The following PRKCB variants were observed in gnomAD, a reference collection of about 807,000 sequenced individuals.
PRKCB encodes the protein protein kinase C beta, also known as protein kinase C beta type.
Under a neutral mutation model 81.5 loss-of-function variants are expected in PRKCB, and 13 were observed. That is an observed-to-expected ratio of 0.16 (90% CI 0.10 to 0.25). The LOEUF (loss-of-function observed/expected upper bound fraction) is 0.25. Among genes scored for constraint, PRKCB ranks in the 10% least tolerant of loss-of-function variants. The probability of loss-of-function intolerance (pLI) is 1.00; values close to 1 mark genes in which losing one functional copy is unlikely to be tolerated. For synonymous variants in PRKCB, 335 were observed against 321.4 expected (o/e 1.04, Z -0.45); for missense variants, 509 against 875.7 (o/e 0.58, Z 5.29).
rs540536398 is a variant in PRKCB, at chr16:23,981,668, T to G, written c.206-6840T>G. Among the ~76,000 whole-genome samples, 504 of 129,238 alleles carry G rather than the reference T, an allele frequency of 3.9e-3. 5 individuals carry two copies. Among genetic ancestry groups the G allele is most frequent in the African/African-American group, 0.015 (477 of 32,826 alleles). The allele number at this position is 129,238 out of a possible 152,430, so 84.8% of individuals were successfully genotyped here. A position where few individuals can be genotyped will look rare whatever the true frequency, so the allele number is the denominator to read the frequency against. ...TTCTCCTTCCCTTCCTTTTTTCCCT[T>G]TCTCTTCCCCTTCCCCTTCCCTTCC... is the stretch of plus-strand genomic sequence containing the variant. On this transcript the variant is annotated intron_variant, in intron 2 of 16. Transcript: ENST00000643927.
At chr16:24,049,138 G>T (rs1965806404) in intron 5 of PRKCB, among the ~76,000 whole-genome samples, 1 of 126,698 alleles carries the variant, frequency 7.9e-6, no homozygotes, top group African/African-American at 3.0e-5. Context: ...TTCCTAGGTT[G>T]TGAGAAGCAG....
intron 2 of PRKCB, among the ~76,000 whole-genome samples, chr16:23,918,458 G>A (rs971078107): frequency 6.6e-6 from 1 of 151,734 alleles, no homozygotes; most frequent in East Asian, 1.9e-4. Flanking sequence ...GTGAATTGGC[G>A]TGATCTTGGC....
intron 2 of PRKCB, among the ~76,000 whole-genome samples, chr16:23,975,275 G>A (rs1016383880): frequency 2.6e-5 from 4 of 152,060 alleles, no homozygotes; most frequent in Non-Finnish European, 4.4e-5. Context: ...GGATTGACAC[G>A]CATTTGTCTC....
intron 16 of PRKCB, among the ~76,000 whole-genome samples, chr16:24,200,634 C>T (rs942928611): frequency 6.6e-6 from 1 of 152,144 alleles, no homozygotes; most frequent in Non-Finnish European, 1.5e-5. Flanking sequence ...CTGTGTCATC[C>T]CATGGCAGAA....
At chr16:24,046,522 G>A (rs535776338) in intron 5 of PRKCB, among the ~76,000 whole-genome samples, 1 of 152,352 alleles carries the variant, frequency 6.6e-6, no homozygotes, top group East Asian at 1.9e-4. Context: ...AGGGATAATG[G>A]CATTTAGTTG....
In PRKCB at chr16:24,132,000, A is replaced by T. The variant is rs565526827; in HGVS notation, c.1065+8019A>T. Among the ~76,000 whole-genome samples the T allele has an allele frequency of 1.1e-4, 16 of 152,310 alleles. 1 individual carries two copies. Among genetic ancestry groups the T allele is most frequent in the Middle Eastern group, 6.8e-3 (2 of 294 alleles). On this transcript the variant is annotated intron_variant, in intron 9 of 16. Transcript: ENST00000643927. ...TCCTCCATATCCTTTCCTTCAAATA[A>T]GGAATATGCGCAACACTGCCTGTAT... is the stretch of plus-strand genomic sequence containing the variant.
At chr16:23,967,041 T>C (rs1004416292) in intron 2 of PRKCB, among the ~76,000 whole-genome samples, 66 of 150,668 alleles carry the variant, frequency 4.4e-4, no homozygotes, top group Non-Finnish European at 7.1e-4. Context: ...GCACAGTACA[T>C]GCTGTGAACC....
chr16:24,014,051 T>G (rs908021891), intron 3 of PRKCB, among the ~76,000 whole-genome samples: 1 of 152,242 alleles, frequency 6.6e-6, no homozygotes, highest in Non-Finnish European at 1.5e-5. Context: ...AGGATCTTTC[T>G]GCTCTTCTGA....
intron 7 of PRKCB, among the ~76,000 whole-genome samples, chr16:24,109,007 C>CCCCCCCACCTCCCTCCAAGAT (rs1383937198): frequency 9.4e-6 from 1 of 106,568 alleles, no homozygotes; most frequent in African/African-American, 5.0e-5. Flanking sequence ...CCCTCCCGGA[C>CCCCCCCACCTCCCTCCAAGAT]GGGGCGGCTG....
chr16:24,123,621 C>G (rs1404425614), intron 8 of PRKCB, among the ~76,000 whole-genome samples: 3 of 152,062 alleles, frequency 2.0e-5, no homozygotes, highest in African/African-American at 7.2e-5. Context: ...AATGACAGTT[C>G]TGGTTATGGT....
chr16:24,200,208 AG>A (rs139315895), intron 16 of PRKCB, among the ~76,000 whole-genome samples: 6,667 of 152,276 alleles, frequency 0.044, 497 homozygotes, highest in African/African-American at 0.15. Flanking sequence ...AGGCTCATTA[AG>A]GAGTAGAGGT....
chr16:24,118,676 T>G (rs2141923985), intron 8 of PRKCB, among the ~76,000 whole-genome samples: 1 of 152,308 alleles, frequency 6.6e-6, no homozygotes, highest in Non-Finnish European at 1.5e-5. Context: ...TGCTATTTGC[T>G]TTCTCTCTTA....
intron 3 of PRKCB, among the ~76,000 whole-genome samples, chr16:24,027,047 TG>T (rs1965491024): frequency 6.6e-6 from 1 of 152,156 alleles, no homozygotes; most frequent in African/African-American, 2.4e-5. Context: ...ACGTGCAGAA[TG>T]TGCAGTTTTG....
In PRKCB at chr16:24,185,445, T is replaced by G; in HGVS notation, c.1615-15T>G. On this transcript the variant is annotated splice_polypyrimidine_tract_variant and intron_variant, in intron 14 of 16. Transcript: ENST00000643927. ...AGCAGGGATTCTTCTCCTCCCACCC[T>G]CCCCTGTCATACAGGCACCCTTTGA... is the stretch of plus-strand genomic sequence containing the variant. 1 of 1,608,014 alleles carries G rather than the reference T, an allele frequency of 6.2e-7. No individual in the cohort carries two copies. The highest frequency in any genetic ancestry group is 8.5e-7 in the Non-Finnish European group (1 of 1,174,760).
intron 9 of PRKCB, among the ~76,000 whole-genome samples, chr16:24,153,457 C>T (rs753348281): frequency 1.3e-5 from 2 of 152,206 alleles, no homozygotes; most frequent in Admixed American, 6.5e-5. Context: ...TGACACAGTG[C>T]ATGCAGTGAA....
rs1967361710 is a variant in PRKCB, at chr16:24,167,242, TCTC to T, written c.1240-5025_1240-5023del. 2.6e-5 allele frequency among the ~76,000 whole-genome samples: 4 copies of T among 152,018 alleles called. No individual in the cohort carries two copies. In the South Asian group the frequency reaches 8.3e-4, roughly 32 times the overall value. On this transcript the variant is annotated intron_variant, in intron 10 of 16. Coordinates refer to ENST00000643927, the MANE Select transcript of PRKCB (RefSeq NM_002738.7). Reference sequence around the variant, plus strand: ...AACTTGTATGTGACCTTTTGGCAAATCTCCTATGCCTTGGACCCTGAGAATATA... The same window carrying T: ...AACTTGTATGTGACCTTTTGGCAAATCTATGCCTTGGACCCTGAGAATATA...
chr16:24,007,830 C>T (rs567769213), intron 3 of PRKCB, among the ~76,000 whole-genome samples: 37 of 152,214 alleles, frequency 2.4e-4, no homozygotes, highest in African/African-American at 8.4e-4. Context: ...GGCAGATGGC[C>T]TTGGAGATAG....
intron 5 of PRKCB, among the ~76,000 whole-genome samples, chr16:24,037,483 A>G (rs548301035): frequency 1.4e-4 from 22 of 152,248 alleles, no homozygotes; most frequent in Non-Finnish European, 2.9e-4. Flanking sequence ...GAGTTAAGTT[A>G]TCATTCTACC....
In PRKCB at chr16:23,969,822, C is replaced by A. The variant is rs538848485; in HGVS notation, c.206-18686C>A. 3.0e-3 allele frequency among the ~76,000 whole-genome samples: 464 copies of A among 152,256 alleles called. 4 individuals carry two copies. Among genetic ancestry groups the A allele is most frequent in the African/African-American group, 0.011 (453 of 41,534 alleles). On this transcript the variant is annotated intron_variant, in intron 2 of 16. Transcript: ENST00000643927. ...ACTTCATTGATCATACCATTATCTT[C>A]TCATCCTCCCACAGATATGATATTT...
Sources: gnomAD v4.1 joint callset for allele counts (sites outside exome capture counted in the v4.1 genomes callset) on GRCh38, gnomAD v4.1.1 for gene constraint, MANE v1.5 for transcripts, NCBI Gene and HGNC (gene_info 2026-07-23, HGNC 2026-07-21) for gene names.